SORCS1: variants seen among roughly 807,000 people sequenced by gnomAD.
SORCS1 encodes the protein VPS10 domain-containing receptor SorCS1.
SORCS1 carries 60 observed loss-of-function variants against 146.1 expected under a neutral mutation model. The observed-to-expected ratio is 0.41, with a 90% CI of 0.33 to 0.51. SORCS1 has a LOEUF of 0.51. Ranked by LOEUF, SORCS1 falls within the 20% of genes least tolerant of loss-of-function variation. SORCS1 has a pLI of 0.21. For synonymous variants in SORCS1, 637 were observed against 584.0 expected (o/e 1.09, Z -1.31); for missense variants, 1,352 against 1,487.6 (o/e 0.91, Z 1.50).
intron 2 of SORCS1, among the ~76,000 whole-genome samples, chr10:106,837,621 C>T (rs567185711): frequency 2.7e-5 from 4 of 150,132 alleles, no homozygotes; most frequent in Non-Finnish European, 5.9e-5. Context: ...CTGGTTTCTA[C>T]AACAAATAAA....
chr10:107,078,808 G>T (rs1305877482), intron 1 of SORCS1, among the ~76,000 whole-genome samples: 1 of 152,204 alleles, frequency 6.6e-6, no homozygotes, highest in Non-Finnish European at 1.5e-5. Flanking sequence ...CACTGTGGTT[G>T]TATTTGTGTA....
intron 18 of SORCS1, among the ~76,000 whole-genome samples, chr10:106,644,858 T>C (rs1849309508): frequency 6.6e-6 from 1 of 152,250 alleles, no homozygotes; most frequent in Admixed American, 6.5e-5. Flanking sequence ...CTGTAGTTTA[T>C]GTATTCTACT....
chr10:106,608,409 C>T (rs1482551243), intron 22 of SORCS1, among the ~76,000 whole-genome samples: 1 of 152,042 alleles, frequency 6.6e-6, no homozygotes, highest in Non-Finnish European at 1.5e-5. Context: ...TCATTATTTC[C>T]CAATTAGGTG....
chr10:107,074,232 CT>C (rs1962689245), intron 1 of SORCS1, among the ~76,000 whole-genome samples: 1 of 152,202 alleles, frequency 6.6e-6, no homozygotes, highest in South Asian at 2.1e-4. Flanking sequence ...AACCACTCAT[CT>C]TTTTACTGTC....
At chr10:107,174,744 AT>A in the SORCS1 span, among the ~76,000 whole-genome samples, 1 of 152,008 alleles carries the variant, frequency 6.6e-6, no homozygotes, top group Non-Finnish European at 1.5e-5. Context: ...CTACTTCTCT[AT>A]TTGAAATATA....
intron 1 of SORCS1, among the ~76,000 whole-genome samples, chr10:107,064,507 G>A (rs1564990749): frequency 6.6e-6 from 1 of 152,338 alleles, no homozygotes; most frequent in South Asian, 2.1e-4. Context: ...GCTCTGCGAA[G>A]CCTTTTCTCC....
intron 2 of SORCS1, among the ~76,000 whole-genome samples, chr10:106,857,950 GC>G (rs1949857241): frequency 1.3e-5 from 2 of 152,154 alleles, no homozygotes; most frequent in African/African-American, 4.8e-5. Flanking sequence ...AAATACGTTT[GC>G]CTGTCAGCCT....
At chr10:106,917,920 T>A (rs1952522687) in intron 2 of SORCS1, among the ~76,000 whole-genome samples, 1 of 152,210 alleles carries the variant, frequency 6.6e-6, no homozygotes, top group African/African-American at 2.4e-5. Flanking sequence ...GCCAGGAGCC[T>A]ATGCTAACTT....
chr10:106,856,181 C>T (rs952456246), intron 2 of SORCS1, among the ~76,000 whole-genome samples: 4 of 151,988 alleles, frequency 2.6e-5, no homozygotes, highest in Admixed American at 1.3e-4. Context: ...CATGCCTCAC[C>T]GCGTCCAGCT....
intron 21 of SORCS1, among the ~76,000 whole-genome samples, chr10:106,615,272 C>T (rs1259715945): frequency 6.6e-6 from 1 of 152,182 alleles, no homozygotes; most frequent in East Asian, 1.9e-4. Flanking sequence ...AAAGATAGCA[C>T]CCCTCCCTAT....
intron 18 of SORCS1, among the ~76,000 whole-genome samples, chr10:106,651,490 T>A (rs1849861491): frequency 6.6e-6 from 1 of 152,188 alleles, no homozygotes; most frequent in African/African-American, 2.4e-5. Context: ...GCTCTCCAGG[T>A]GATTTTCTTA....
intron 1 of SORCS1, among the ~76,000 whole-genome samples, chr10:107,046,407 A>AT (rs1191963601): frequency 1.3e-5 from 2 of 152,018 alleles, no homozygotes; most frequent in Admixed American, 1.3e-4. Flanking sequence ...TATTTAACAT[A>AT]TTTATGTTTA....
chr10:107,095,427 A>C lies in SORCS1; in HGVS notation c.558+68542T>G, dbSNP rs1414282631. On this transcript the variant is annotated intron_variant, in intron 1 of 25. Coordinates refer to ENST00000263054, the MANE Select transcript of SORCS1 (RefSeq NM_052918.5). ...CATGCTGCATGTAGCCATGAAACTC[A>C]TAGTCTCCCTGAACCCAAGCAAAGA... is the stretch of plus-strand genomic sequence containing the variant. Among the ~76,000 whole-genome samples the C allele has an allele frequency of 2.0e-5, 3 of 152,160 alleles. No individual in the cohort carries two copies. In the East Asian group the frequency reaches 5.8e-4, roughly 29 times the overall value.
Position 106,759,833 on chromosome 10 carries a change from T to G in SORCS1, c.959+1755A>C, listed in dbSNP as rs1304399162. ...GTTTATGTTTTGCATTAATTAGGCATAAGATTTACCTCCAATCTATATTTT... is the reference window on the plus strand; with the variant it reads ...GTTTATGTTTTGCATTAATTAGGCAGAAGATTTACCTCCAATCTATATTTT... On this transcript the variant is annotated intron_variant, in intron 5 of 25. Coordinates refer to ENST00000263054, the MANE Select transcript of SORCS1 (RefSeq NM_052918.5). Among the ~76,000 whole-genome samples, 4 of 152,166 alleles carry G rather than the reference T, an allele frequency of 2.6e-5. No homozygotes were observed. The East Asian group carries it at 5.8e-4, about 22-fold the overall frequency.
intron 1 of SORCS1, among the ~76,000 whole-genome samples, chr10:107,161,069 A>C (rs1016067445): frequency 6.6e-6 from 1 of 152,196 alleles, no homozygotes; most frequent in Non-Finnish European, 1.5e-5. Flanking sequence ...TGCAGTACAG[A>C]GGAATCACAT....
chr10:107,074,696 T>C (rs969950362), intron 1 of SORCS1, among the ~76,000 whole-genome samples: 9 of 152,194 alleles, frequency 5.9e-5, no homozygotes, highest in Non-Finnish European at 1.0e-4. Flanking sequence ...TCCACATCCT[T>C]GTCAACTTTT....
rs1260838228 is a variant in SORCS1, at chr10:107,164,016, A to C, written c.511T>G (p.Ser171Ala). The change falls in exon 1 of 26, where the codon TCA (serine) becomes GCA (alanine). Residue 171 changes from serine (S) to alanine (A), a missense_variant. By Grantham distance (99) the Ser-to-Ala change is moderately conservative. Coordinates refer to ENST00000263054, the MANE Select transcript of SORCS1 (RefSeq NM_052918.5). This position sits in a 1 kb window ranked among gnomAD's most constrained non-coding sequence, Gnocchi z 6.8. ...TGGACCATGGCTTGGTTGTGTGCTGAGTCTCCCGTCAGCGCAAACGTGGTG... is the reference window on the plus strand; with the variant it reads ...TGGACCATGGCTTGGTTGTGTGCTGCGTCTCCCGTCAGCGCAAACGTGGTG... ...TSTTFALTGD[S>A]AHNQAMVHWS... 2 of 1,613,856 alleles carry C rather than the reference A, an allele frequency of 1.2e-6. No individual in the cohort carries two copies. Among genetic ancestry groups the C allele is most frequent in the South Asian group, 1.1e-5 (1 of 91,052 alleles).
intron 2 of SORCS1, among the ~76,000 whole-genome samples, chr10:106,935,701 T>C (rs551794880): frequency 6.6e-6 from 1 of 152,338 alleles, no homozygotes; most frequent in African/African-American, 2.4e-5. Flanking sequence ...CAAGATTCTA[T>C]GAAATAAAAC....
intron 9 of SORCS1, among the ~76,000 whole-genome samples, chr10:106,690,047 A>C (rs1207910272): frequency 1.3e-5 from 2 of 152,238 alleles, no homozygotes; most frequent in Non-Finnish European, 2.9e-5. Context: ...TAGCAGCCAG[A>C]CCAACTTCTT....
Sources: gnomAD v4.1 joint callset for allele counts (sites outside exome capture counted in the v4.1 genomes callset) on GRCh38, gnomAD v4.1.1 for gene constraint, Gnocchi (gnomAD v3.1) non-coding constraint, MANE v1.5 for transcripts, NCBI Gene and HGNC (gene_info 2026-07-23, HGNC 2026-07-21) for gene names.